Variants in ARHGAP15 observed in about 807,000 individuals in gnomAD.
The protein encoded by ARHGAP15 is Rho GTPase activating protein 15, also known as rho GTPase-activating protein 15.
ARHGAP15 carries 51 observed loss-of-function variants against 63.7 expected under a neutral mutation model. That is an observed-to-expected ratio of 0.80 (90% CI 0.64 to 1.01). ARHGAP15 has a LOEUF of 1.01. ARHGAP15 is among the 50% of genes least tolerant of loss of function. The pLI is 0.00. For missense variants in ARHGAP15, 560 were observed against 564.6 expected (o/e 0.99, Z 0.08); for synonymous variants, 191 against 193.8 (o/e 0.99, Z 0.12).
intron 13 of ARHGAP15, among the ~76,000 whole-genome samples, chr2:143,721,371 C>CA (rs1685051048): frequency 6.6e-6 from 1 of 152,084 alleles, no homozygotes; most frequent in Non-Finnish European, 1.5e-5. Flanking sequence ...TAATCCAATC[C>CA]AAAACCCACT....
At chr2:143,169,134 T>G (rs1186733211) in intron 2 of ARHGAP15, among the ~76,000 whole-genome samples, 1 of 152,046 alleles carries the variant, frequency 6.6e-6, no homozygotes, top group Non-Finnish European at 1.5e-5. Context: ...CTCTTTGCTT[T>G]CTAATTGAGC....
At chr2:143,512,242 G>T (rs549747870) in intron 9 of ARHGAP15, among the ~76,000 whole-genome samples, 1 of 152,290 alleles carries the variant, frequency 6.6e-6, no homozygotes, top group East Asian at 1.9e-4. Flanking sequence ...CATAAAAAGA[G>T]GGTTCCTCTC....
At chr2:143,281,422 T>G (rs1410222276) in intron 6 of ARHGAP15, among the ~76,000 whole-genome samples, 2 of 152,122 alleles carry the variant, frequency 1.3e-5, no homozygotes, top group Non-Finnish European at 2.9e-5. Flanking sequence ...TATAATATAA[T>G]AGGATAAGAT....
In ARHGAP15 at chr2:143,519,867, G is replaced by A. The variant is rs533366192; in HGVS notation, c.925+503G>A. 9.9e-5 allele frequency among the ~76,000 whole-genome samples: 15 copies of A among 152,244 alleles called. 1 individual carries two copies. The South Asian group carries it at 2.9e-3, about 29-fold the overall frequency. ...AACAATTAAAAGACACACCTCAAAA[G>A]ATGACCTTTGATTCCTCTATTTCAG... On this transcript the variant is annotated intron_variant, in intron 10 of 13. Transcript: ENST00000295095.
In ARHGAP15 at chr2:143,250,620, T is replaced by C. The variant is rs1336039158; in HGVS notation, c.474+20T>C. 6.3e-7 allele frequency: 1 copy of C among 1,586,294 alleles called. No individual in the cohort carries two copies. The highest frequency in any genetic ancestry group is 1.3e-5 in the African/African-American group (1 of 74,136). On this transcript the variant is annotated intron_variant, in intron 6 of 13. Coordinates refer to ENST00000295095, the MANE Select transcript of ARHGAP15 (RefSeq NM_018460.4). The stretch of plus-strand genomic sequence containing the variant: ...TTTCAGGTAAGAATGTTACATATAT[T>C]CAATTTATTCCTATTCTCTCTAAAT...
At chr2:143,577,601 A>T (rs1183604022) in intron 11 of ARHGAP15, among the ~76,000 whole-genome samples, 1 of 152,134 alleles carries the variant, frequency 6.6e-6, no homozygotes, top group Non-Finnish European at 1.5e-5. Context: ...GCATGGTTGT[A>T]AAATGACCAC....
chr2:143,753,685 C>T (rs964563389), intron 13 of ARHGAP15, among the ~76,000 whole-genome samples: 1 of 151,996 alleles, frequency 6.6e-6, no homozygotes, highest in Non-Finnish European at 1.5e-5. Context: ...AGCATTTTAC[C>T]AAAAATAAAA....
At position 143,397,310 on chromosome 2, in the gene ARHGAP15, ATATG is replaced by A. The variant is rs1159907683; in HGVS notation, c.475-38285_475-38282del. On this transcript the variant is annotated intron_variant, in intron 6 of 13. Coordinates refer to ENST00000295095, the MANE Select transcript of ARHGAP15 (RefSeq NM_018460.4). ...CAAATATGGACAATAATAATATGAG[ATATG>A]TATGTGTGTGTGTGTGTGTGTGTGT... Among the ~76,000 whole-genome samples the A allele has an allele frequency of 1.2e-4, 15 of 127,396 alleles. No individual in the cohort carries two copies. In the East Asian group the frequency reaches 3.3e-3, roughly 28 times the overall value. 83.6% of individuals were successfully genotyped at this position (127,396 alleles called of 152,430 possible). A position where few individuals can be genotyped will look rare whatever the true frequency, so the allele number is the denominator to read the frequency against.
At chr2:143,502,593 T>A (rs988384988) in intron 9 of ARHGAP15, among the ~76,000 whole-genome samples, 1 of 151,742 alleles carries the variant, frequency 6.6e-6, no homozygotes, top group African/African-American at 2.4e-5. Flanking sequence ...TGTTGTTTTG[T>A]TTTGAGATGG....
At chr2:143,669,123 C>T (rs1682385258) in intron 12 of ARHGAP15, among the ~76,000 whole-genome samples, 1 of 152,158 alleles carries the variant, frequency 6.6e-6, no homozygotes, top group African/African-American at 2.4e-5. Context: ...AATCTAAGCA[C>T]ACTAAAAGTA....
intron 8 of ARHGAP15, among the ~76,000 whole-genome samples, chr2:143,473,891 A>G (rs1691693600): frequency 6.6e-6 from 1 of 152,144 alleles, no homozygotes; most frequent in Non-Finnish European, 1.5e-5. Context: ...AGGCCTTTAA[A>G]ACCCAAAGAC....
At chr2:143,656,271 G>C (rs1681429078) in intron 12 of ARHGAP15, 1 of 152,278 alleles carries the variant, frequency 6.6e-6, no homozygotes, top group South Asian at 2.1e-4. Flanking sequence ...AAAGCATTTG[G>C]CTTCTTGTGT....
intron 13 of ARHGAP15, among the ~76,000 whole-genome samples, chr2:143,708,848 C>T (rs1684447777): frequency 6.6e-6 from 1 of 152,094 alleles, no homozygotes; most frequent in South Asian, 2.1e-4. Context: ...CCAAGACAAA[C>T]AGAACACCAG....
chr2:143,740,565 G>A (rs759337894), intron 13 of ARHGAP15, among the ~76,000 whole-genome samples: 1 of 152,216 alleles, frequency 6.6e-6, no homozygotes, highest in Non-Finnish European at 1.5e-5. Flanking sequence ...TCACCAGGCT[G>A]TTGATACTGT....
chr2:143,554,110 A>G (rs1408109946), intron 10 of ARHGAP15, among the ~76,000 whole-genome samples: 5 of 152,200 alleles, frequency 3.3e-5, no homozygotes, highest in Admixed American at 3.3e-4. Flanking sequence ...TTCACATTTT[A>G]TCTTTAATCA....
At chr2:143,764,585 G>A (rs1235333437) in intron 13 of ARHGAP15, among the ~76,000 whole-genome samples, 1 of 152,004 alleles carries the variant, frequency 6.6e-6, no homozygotes, top group African/African-American at 2.4e-5. Context: ...AGTCCCCTTT[G>A]AGAGCTGAGT....
chr2:143,324,265 T>TA (rs1362338970), intron 6 of ARHGAP15, among the ~76,000 whole-genome samples: 3 of 152,234 alleles, frequency 2.0e-5, no homozygotes, highest in Admixed American at 6.5e-5. Context: ...ATATTTTTTT[T>TA]ACATTTTGTT....
intron 13 of ARHGAP15, among the ~76,000 whole-genome samples, chr2:143,747,245 TAAAAA>T (rs967922078): frequency 6.7e-6 from 1 of 148,900 alleles, no homozygotes; most frequent in African/African-American, 2.5e-5. Flanking sequence ...TCCCAGAACT[TAAAAA>T]AAAAGAAAAA....
At chr2:143,247,376 C>T (rs535720165) in intron 5 of ARHGAP15, 3 of 152,408 alleles carry the variant, frequency 2.0e-5, no homozygotes, top group Middle Eastern at 3.4e-3. Flanking sequence ...TTCTCCTGTC[C>T]AGCCTGGCAC....
Sources: gnomAD v4.1 joint callset for allele counts (sites outside exome capture counted in the v4.1 genomes callset) on GRCh38, gnomAD v4.1.1 for gene constraint, MANE v1.5 for transcripts, NCBI Gene and HGNC (gene_info 2026-07-23, HGNC 2026-07-21) for gene names.